The following PDLIM1 variants were observed in gnomAD, a reference collection of about 807,000 sequenced individuals.
PDLIM1 encodes the protein PDZ and LIM domain 1, also known as PDZ and LIM domain protein 1.
Under a neutral mutation model 35.2 loss-of-function variants are expected in PDLIM1, and 25 were observed. That is an observed-to-expected ratio of 0.71 (90% CI 0.52 to 0.99). The LOEUF (loss-of-function observed/expected upper bound fraction) is 0.99. Among genes scored for constraint, PDLIM1 ranks in the 50% least tolerant of loss-of-function variants. The pLI is 0.00. For synonymous variants in PDLIM1, 152 were observed against 154.0 expected, an observed-to-expected ratio of 0.99 and a Z score of 0.10; for missense variants, 363 against 415.3, an observed-to-expected ratio of 0.87 and a Z score of 1.09.
intron 4 of PDLIM1, among the ~76,000 whole-genome samples, chr10:95,260,569 A>G (rs1339537961): frequency 6.6e-6 from 1 of 152,198 alleles, no homozygotes; most frequent in East Asian, 1.9e-4. Flanking sequence ...GAAGGGCAGC[A>G]GAGAAACCCC....
chr10:95,271,768 T>C lies in PDLIM1; in HGVS notation c.113A>G (p.Lys38Arg). The change falls in exon 2 of 7, where the codon AAG becomes AGG. Residue 38 changes from lysine to arginine, a missense_variant. Physicochemically the swap from Lys to Arg is conservative, Grantham distance 26. Transcript: ENST00000329399. ...LAISRVTPGS[K>R]AALANLCIGD... Reference sequence around the variant, plus strand: ...AATACATAAATTAGCTAGAGCCGCCTTGCTTCCAGGAGTGACCTAGAAAAA... The same window carrying C: ...AATACATAAATTAGCTAGAGCCGCCCTGCTTCCAGGAGTGACCTAGAAAAA... The C allele has an allele frequency of 6.2e-7, 1 of 1,611,928 alleles. No homozygotes were observed. Among genetic ancestry groups the C allele is most frequent in the Non-Finnish European group, 8.5e-7 (1 of 1,179,374 alleles).
intron 1 of PDLIM1, among the ~76,000 whole-genome samples, chr10:95,281,428 A>G (rs1299204970): frequency 6.6e-6 from 1 of 152,194 alleles, no homozygotes; most frequent in Non-Finnish European, 1.5e-5. Flanking sequence ...GAAATTAAAA[A>G]TTAGCCAGGC....
At chr10:95,242,938 T>C (rs1456817750) in intron 5 of PDLIM1, among the ~76,000 whole-genome samples, 1 of 151,946 alleles carries the variant, frequency 6.6e-6, no homozygotes, top group Non-Finnish European at 1.5e-5. Context: ...ACCAGCTCAA[T>C]GAGGTCGGGC....
chr10:95,245,323 T>C (rs2035210466), intron 5 of PDLIM1, among the ~76,000 whole-genome samples: 1 of 152,178 alleles, frequency 6.6e-6, no homozygotes, highest in South Asian at 2.1e-4. Context: ...GTAAGCATGA[T>C]GGTTGGAACA....
At chr10:95,277,455 C>T (rs1035887399) in intron 1 of PDLIM1, among the ~76,000 whole-genome samples, 2 of 151,952 alleles carry the variant, frequency 1.3e-5, no homozygotes, top group African/African-American at 4.8e-5. Context: ...GCCTGGCCAA[C>T]ATGGTGAAAC....
chr10:95,238,448 T>A, intron 6 of PDLIM1, 120 bp downstream of exon 6: 1 of 738,188 alleles, frequency 1.4e-6, no homozygotes, highest in Non-Finnish European at 2.4e-6. Context: ...CTCTGTTGCA[T>A]TTTTCCAGGA....
rs539977430 is a variant in PDLIM1, at chr10:95,285,919, T to G, written c.96+4901A>C. On this transcript the variant is annotated intron_variant, in intron 1 of 6. Transcript: ENST00000329399. Reference sequence around the variant, plus strand: ...TACTGCAAGCAGATCAAATAAATATTTCTCACACAAATCTTTCAAATGTAA... The same window carrying G: ...TACTGCAAGCAGATCAAATAAATATGTCTCACACAAATCTTTCAAATGTAA... 6.6e-5 allele frequency among the ~76,000 whole-genome samples: 10 copies of G among 152,376 alleles called. 1 individual carries two copies. In the South Asian group the frequency reaches 1.7e-3, roughly 25 times the overall value.
intron 2 of PDLIM1, among the ~76,000 whole-genome samples, chr10:95,269,597 G>A (rs967955358): frequency 6.0e-5 from 9 of 149,362 alleles, no homozygotes; most frequent in East Asian, 5.9e-4. Context: ...AGAGAAGAAC[G>A]CCCCTCTTTT....
rs2133447067 is a variant in PDLIM1 at position 95,290,036 on chromosome 10, C to A, written c.96+784G>T. On this transcript the variant is annotated intron_variant, in intron 1 of 6. Coordinates refer to ENST00000329399, the MANE Select transcript of PDLIM1 (RefSeq NM_020992.4). The surrounding 1 kb of genome is among the most constrained non-coding windows in gnomAD (Gnocchi z 4.7). Reference sequence around the variant, plus strand: ...ATGGTTCTGGTGGCCCCTGATTCAACGTGAGTCCTTCTAAAGATCCGAAGC... The same window carrying A: ...ATGGTTCTGGTGGCCCCTGATTCAAAGTGAGTCCTTCTAAAGATCCGAAGC... Among the ~76,000 whole-genome samples the A allele has an allele frequency of 6.6e-6, 1 of 152,324 alleles. No individual in the cohort carries two copies. Among genetic ancestry groups the A allele is most frequent in the Non-Finnish European group, 1.5e-5 (1 of 68,034 alleles).
intron 2 of PDLIM1, among the ~76,000 whole-genome samples, 162 bp from the exon 3 acceptor site, chr10:95,269,024 C>A (rs2035439782): frequency 6.6e-6 from 1 of 152,182 alleles, no homozygotes; most frequent in South Asian, 2.1e-4. Flanking sequence ...CTTTTAAACA[C>A]CCCAATCTGA....
chr10:95,279,178 C>T (rs1564605962), intron 1 of PDLIM1, among the ~76,000 whole-genome samples: 1 of 152,172 alleles, frequency 6.6e-6, no homozygotes, highest in Non-Finnish European at 1.5e-5. Flanking sequence ...ACAATCAGCA[C>T]CAAATGAGGA....
At chr10:95,241,708 T>C (rs2133408658) in intron 5 of PDLIM1, among the ~76,000 whole-genome samples, 1 of 152,310 alleles carries the variant, frequency 6.6e-6, no homozygotes, top group African/African-American at 2.4e-5. Flanking sequence ...GCAAAAGCAC[T>C]AAGGGCACTT....
intron 1 of PDLIM1, among the ~76,000 whole-genome samples, chr10:95,274,538 C>T (rs951905647): frequency 6.0e-4 from 91 of 151,942 alleles, no homozygotes; most frequent in Non-Finnish European, 1.1e-3. Context: ...CTCAGGTGAT[C>T]CACCCACCTC....
intron 2 of PDLIM1, among the ~76,000 whole-genome samples, chr10:95,269,568 T>TA (rs1332368047): frequency 4.8e-5 from 3 of 62,230 alleles, no homozygotes; most frequent in African/African-American, 1.3e-4. Flanking sequence ...TGAGACTCCA[T>TA]CCCAAAAAAA....
At chr10:95,261,516 G>A (rs2035362058) in intron 4 of PDLIM1, among the ~76,000 whole-genome samples, 1 of 152,112 alleles carries the variant, frequency 6.6e-6, no homozygotes, top group Non-Finnish European at 1.5e-5. Flanking sequence ...TATCTCAAAT[G>A]TCCCCACAGT....
At chr10:95,244,095 T>C (rs45481903) in intron 5 of PDLIM1, among the ~76,000 whole-genome samples, 6 of 152,350 alleles carry the variant, frequency 3.9e-5, no homozygotes, top group East Asian at 1.9e-4. Context: ...TTTGTTAAGA[T>C]GGTAAATTTT....
Position 95,238,886 on chromosome 10 carries a change from C to A in PDLIM1, c.686-201G>T. On this transcript the variant is annotated intron_variant, in intron 5 of 6. Transcript: ENST00000329399. ...TATAAAATAGGAGATTAACACCTGG[C>A]CAAAGAAAAGCCCAAAAAGCCAAGA... 6.0e-6 allele frequency: 3 copies of A among 497,336 alleles called. No homozygotes were observed. The South Asian group carries it at 9.6e-5, about 16-fold the overall frequency. The allele number at this position is 497,336 out of a possible 1,614,324, so 30.8% of individuals were successfully genotyped here.
chr10:95,244,626 G>A (rs1393077910), intron 5 of PDLIM1, among the ~76,000 whole-genome samples: 1 of 151,990 alleles, frequency 6.6e-6, no homozygotes, highest in Non-Finnish European at 1.5e-5. Flanking sequence ...GGGGCCGGGT[G>A]CAGTGGCTCA....
chr10:95,257,689 G>A (rs985220284), intron 4 of PDLIM1, among the ~76,000 whole-genome samples: 3 of 152,262 alleles, frequency 2.0e-5, no homozygotes, highest in East Asian at 3.9e-4. Flanking sequence ...GAGCCCTTGC[G>A]TATTGATGAT....
Sources: gnomAD v4.1 joint callset for allele counts (sites outside exome capture counted in the v4.1 genomes callset) on GRCh38, gnomAD v4.1.1 for gene constraint, Gnocchi (gnomAD v3.1) non-coding constraint, MANE v1.5 for transcripts, NCBI Gene and HGNC (gene_info 2026-07-23, HGNC 2026-07-21) for gene names.